Variants in TNKS observed in about 807,000 individuals in gnomAD.
TNKS encodes tankyrase, also known as poly [ADP-ribose] polymerase tankyrase-1.
A neutral mutation model predicts 135.8 loss-of-function variants in TNKS; 72 were observed. That is an observed-to-expected ratio of 0.53 (90% CI 0.44 to 0.64). The LOEUF (loss-of-function observed/expected upper bound fraction) is 0.64. Among genes scored for constraint, TNKS ranks in the 30% least tolerant of loss-of-function variants. TNKS has a pLI of 0.00. For missense variants in TNKS, 1,769 were observed against 1,674.0 expected (o/e 1.06, Z -0.99); for synonymous variants, 849 against 649.3 (o/e 1.31, Z -4.68).
At chr8:9,742,077 A>T (rs915178282) in intron 17 of TNKS, among the ~76,000 whole-genome samples, 1 of 152,226 alleles carries the variant, frequency 6.6e-6, no homozygotes. Context: ...TGTAAAGGGC[A>T]TTTGATAGAG....
intron 13 of TNKS, among the ~76,000 whole-genome samples, chr8:9,727,504 A>C (rs1585383335): frequency 6.6e-6 from 1 of 152,282 alleles, no homozygotes; most frequent in Non-Finnish European, 1.5e-5. Flanking sequence ...CTGGGGCTCA[A>C]GCAATCCTCT....
intron 1 of TNKS, among the ~76,000 whole-genome samples, chr8:9,570,258 A>T (rs1301942978): frequency 6.6e-6 from 1 of 152,186 alleles, no homozygotes; most frequent in Non-Finnish European, 1.5e-5. Context: ...TGGGCAATAA[A>T]GCGAGATCCC....
chr8:9,758,274 G>A lies in TNKS; in HGVS notation c.3154-3242G>A, dbSNP rs572821272. Among the ~76,000 whole-genome samples, 3 of 152,258 alleles carry A rather than the reference G, an allele frequency of 2.0e-5. No homozygotes were observed. In the South Asian group the frequency reaches 6.2e-4, roughly 32 times the overall value. ...GGTTGGATGGAATTGCAAGAATAAT[G>A]TATATTTATATTCAGTTGCAAGTAT... On this transcript the variant is annotated intron_variant, in intron 20 of 26. Coordinates refer to ENST00000310430, the MANE Select transcript of TNKS (RefSeq NM_003747.3).
intron 1 of TNKS, among the ~76,000 whole-genome samples, chr8:9,577,031 G>A (rs1044985873): frequency 6.6e-6 from 1 of 152,102 alleles, no homozygotes; most frequent in South Asian, 2.1e-4. Context: ...AGGATTGAGG[G>A]TAAGAGTTCA....
intron 1 of TNKS, among the ~76,000 whole-genome samples, chr8:9,565,922 G>C (rs1413680577): frequency 6.6e-6 from 1 of 152,078 alleles, no homozygotes; most frequent in African/African-American, 2.4e-5. Flanking sequence ...TAAAGTGTGT[G>C]TATACACACT....
At chr8:9,732,126 T>C (rs1362697740) in intron 14 of TNKS, among the ~76,000 whole-genome samples, 1 of 152,224 alleles carries the variant, frequency 6.6e-6, no homozygotes, top group Admixed American at 6.5e-5. Flanking sequence ...AGTTATTGTT[T>C]ATTCTTCTTT....
chr8:9,613,618 CTG>C (rs768786102), intron 2 of TNKS, among the ~76,000 whole-genome samples: 14 of 152,294 alleles, frequency 9.2e-5, no homozygotes, highest in Non-Finnish European at 1.8e-4. Flanking sequence ...GTAGATGTGT[CTG>C]TGTTCAGGTC....
intron 3 of TNKS, among the ~76,000 whole-genome samples, chr8:9,622,684 C>A (rs937301608): frequency 1.3e-5 from 2 of 152,140 alleles, no homozygotes; most frequent in Non-Finnish European, 2.9e-5. Flanking sequence ...GGGCTTAAAT[C>A]TAGTCTGTTA....
intron 17 of TNKS, among the ~76,000 whole-genome samples, chr8:9,742,510 T>TAGTAACCAATCAGTAACCA (rs1255805079): frequency 6.6e-6 from 1 of 151,730 alleles, no homozygotes; most frequent in Admixed American, 6.6e-5. Flanking sequence ...AATCTATTAT[T>TAGTAACCAATCAGTAACCA]AGTAACCAAT....
chr8:9,560,780 A>G (rs1029570496), intron 1 of TNKS, among the ~76,000 whole-genome samples: 3 of 151,934 alleles, frequency 2.0e-5, no homozygotes, highest in Non-Finnish European at 2.9e-5. Context: ...CCCAGACTTA[A>G]AATTGTTGAT....
chr8:9,627,529 C>T (rs879444080), intron 3 of TNKS, among the ~76,000 whole-genome samples: 1 of 150,912 alleles, frequency 6.6e-6, no homozygotes, highest in Non-Finnish European at 1.5e-5. Flanking sequence ...CCTGCTGTTG[C>T]CTGTGGCAAA....
intron 22 of TNKS, among the ~76,000 whole-genome samples, chr8:9,764,453 T>G (rs150827012): frequency 1.3e-5 from 2 of 152,316 alleles, no homozygotes; most frequent in African/African-American, 4.8e-5. Context: ...TAATTGTAGA[T>G]GACTTAATGT....
chr8:9,644,917 T>C (rs1033468911), intron 3 of TNKS, among the ~76,000 whole-genome samples: 2 of 152,186 alleles, frequency 1.3e-5, no homozygotes, highest in African/African-American at 4.8e-5. Context: ...TAAAATAGGC[T>C]TTGTGTGAGA....
Position 9,720,487 on chromosome 8 carries a change from C to T in TNKS, c.1863C>T (p.Ser621=). ...ACGGCTCTGACCCCTCCATCATCTC[C>T]TTACAAGGCTTCACAGCAGCACAGA... ...LSYGSDPSII[S]LQGFTAAQMG... The change falls in exon 12 of 27, where the codon TCC becomes TCT. Residue 621 remains serine, a synonymous_variant. Transcript: ENST00000310430. 6.2e-7 allele frequency: 1 copy of T among 1,614,148 alleles called. No homozygotes were observed.
Position 9,556,399 on chromosome 8 carries a change from C to A in TNKS, c.460C>A (p.Pro154Thr), listed in dbSNP as rs1005215725. ...CCCTGGATCGAGCTTGGCGGAGAGC[C>A]CCGAGGCGGCCGGAGTTAGCAGCAC... ...SSPGSSLAES[P>T]EAAGVSSTAP... The change falls in exon 1 of 27, where the codon CCC (proline) becomes ACC (threonine). Residue 154 changes from proline (P) to threonine (T), a missense_variant. Pro to Thr is a conservative substitution (Grantham distance 38, BLOSUM62 -1). Coordinates refer to ENST00000310430, the MANE Select transcript of TNKS (RefSeq NM_003747.3). 3 of 1,614,216 alleles carry A rather than the reference C, an allele frequency of 1.9e-6. No homozygotes were observed. Among genetic ancestry groups the A allele is most frequent in the Non-Finnish European group, 2.5e-6 (3 of 1,180,042 alleles).
In TNKS at chr8:9,781,661, T is replaced by C. The variant is rs1808461177; in HGVS notation, c.*4925T>C. On this transcript the variant is annotated 3_prime_UTR_variant, in exon 27 of 27. Coordinates refer to ENST00000310430, the MANE Select transcript of TNKS (RefSeq NM_003747.3). ...CCTACAAACTAAAAAGGTACTTTTA[T>C]CAAGGTTTCTCAAAACATTTACAAA... 6.6e-6 allele frequency: 1 copy of C among 152,662 alleles called. No individual in the cohort carries two copies. The highest frequency in any genetic ancestry group is 6.5e-5 in the Admixed American group (1 of 15,286). The allele number at this position is 152,662 out of a possible 1,614,324, so 9.5% of individuals were successfully genotyped here. A position where few individuals can be genotyped will look rare whatever the true frequency, so the allele number is the denominator to read the frequency against.
chr8:9,728,083 A>G (rs1270500636), intron 13 of TNKS, among the ~76,000 whole-genome samples: 2 of 152,208 alleles, frequency 1.3e-5, no homozygotes, highest in Non-Finnish European at 2.9e-5. Flanking sequence ...TAAAGCATAC[A>G]GTTTTAAATT....
intron 3 of TNKS, among the ~76,000 whole-genome samples, chr8:9,676,601 A>C (rs1377171014): frequency 6.6e-6 from 1 of 152,070 alleles, no homozygotes; most frequent in Non-Finnish European, 1.5e-5. Flanking sequence ...ACTCCAGAAA[A>C]ATAAAAAGAG....
At chr8:9,776,552 T>A (rs1353264327) in intron 26 of TNKS, 98 bp from the exon 27 acceptor site, 1 of 1,058,398 alleles carries the variant, frequency 9.4e-7, no homozygotes, top group East Asian at 2.4e-5. Context: ...TATAGAATAT[T>A]GGTCACGATT....
Sources: allele counts gnomAD v4.1 joint callset (sites outside exome capture counted in the v4.1 genomes callset), GRCh38; gene constraint gnomAD v4.1.1; transcripts MANE v1.5; gene names NCBI Gene and HGNC (gene_info 2026-07-23, HGNC 2026-07-21).